The following CAPN8 variants were observed in gnomAD, a reference collection of about 807,000 sequenced individuals.
CAPN8 encodes calpain 8, also known as calpain-8.
Under a neutral mutation model 80.9 loss-of-function variants are expected in CAPN8, and 87 were observed. That is an observed-to-expected ratio of 1.07 (90% confidence interval 0.90 to 1.28). The LOEUF is 1.28. Among genes scored for constraint, CAPN8 ranks in the 50% most tolerant of loss-of-function variants. The pLI is 0.00. For synonymous variants in CAPN8, 299 were observed against 273.8 expected, an observed-to-expected ratio of 1.09 and a Z score of -0.91; for missense variants, 757 against 702.0, an observed-to-expected ratio of 1.08 and a Z score of -0.89.
At chr1:223,662,272 AC>A (rs755506838) in intron 1 of CAPN8, among the ~76,000 whole-genome samples, 2 of 152,058 alleles carry the variant, frequency 1.3e-5, no homozygotes, top group Non-Finnish European at 2.9e-5. Context: ...ACATGGCAAC[AC>A]CCGATCTCTA....
rs369121915 is a variant in CAPN8, at chr1:223,549,368, A to C, written c.1714T>G (p.Phe572Val). Reference sequence around the variant, plus strand: ...CAAGTGTTGATGTTGAATCCATCGAATTTTATGTCTGTTCCTAAAGATTTA... The same window carrying C: ...CAAGTGTTGATGTTGAATCCATCGACTTTTATGTCTGTTCCTAAAGATTTA... ...EAFSKRTDIK[F>V]DGFNINTCRE... Residue 572 changes from phenylalanine to valine, a missense_variant, in exon 16 of 21, where the codon TTC (phenylalanine) becomes GTC (valine). Transcript: ENST00000366872. The C allele has an allele frequency of 1.6e-5, 25 of 1,551,762 alleles. No individual in the cohort carries two copies. The highest frequency in any genetic ancestry group is 2.0e-5 in the Admixed American group (1 of 50,986).
At chr1:223,548,583 A>G (rs1172959040) in intron 16 of CAPN8, among the ~76,000 whole-genome samples, 2 of 152,206 alleles carry the variant, frequency 1.3e-5, no homozygotes, top group Non-Finnish European at 2.9e-5. Flanking sequence ...CACCCCATCT[A>G]CCATGTGAAG....
rs963157521 is a variant in CAPN8 at position 223,665,618 on chromosome 1, C to G, written c.29G>C (p.Arg10Thr). 4 of 1,551,474 alleles carry G rather than the reference C, an allele frequency of 2.6e-6. No individual in the cohort carries two copies. The highest frequency in any genetic ancestry group is 2.6e-6 in the Non-Finnish European group (3 of 1,147,000). The change falls in exon 1 of 21, where the codon AGG becomes ACG. Residue 10 changes from arginine (R) to threonine (T), a missense_variant. Arg to Thr is a moderately conservative substitution (Grantham distance 71, BLOSUM62 -1). Coordinates refer to ENST00000366872, the MANE Select transcript of CAPN8 (RefSeq NM_001143962.2). ...AAGACCTTGAGTGGCTGCCCGCTGC[C>G]TAGATACACCAGCTGCCTGGGCTGC... is the stretch of plus-strand genomic sequence containing the variant. Reference protein sequence around the residue: MAAQAAGVSRQRAATQGLGS... With the variant: MAAQAAGVSTQRAATQGLGS...
chr1:223,619,197 A>G (rs1351248590), intron 9 of CAPN8, 96 bp downstream of exon 9: 6 of 1,448,470 alleles, frequency 4.1e-6, no homozygotes, highest in Non-Finnish European at 4.6e-6. Context: ...CTGTCTCAAA[A>G]AAACACACAA....
rs543373046 is a variant in CAPN8 at position 223,641,742 on chromosome 1, C to T, written c.307+12588G>A. 2.6e-5 allele frequency among the ~76,000 whole-genome samples: 4 copies of T among 152,356 alleles called. No individual in the cohort carries two copies. In the South Asian group the frequency reaches 8.3e-4, roughly 32 times the overall value. On this transcript the variant is annotated intron_variant, in intron 2 of 20. Transcript: ENST00000366872. The stretch of plus-strand genomic sequence containing the variant: ...ACTTCCTAGCCAAAGGACCTTTATT[C>T]ATCTCCTTCCTGCAGCCTGGAACCC...
At chr1:223,544,332 C>T in intron 18 of CAPN8, 149 bp from the exon 19 acceptor site, 4 of 609,948 alleles carry the variant, frequency 6.6e-6, no homozygotes, top group Middle Eastern at 3.3e-4. Context: ...TCCAGGGGAT[C>T]CCAGAAGGTG....
intron 1 of CAPN8, among the ~76,000 whole-genome samples, chr1:223,664,322 ATGT>A (rs1258639880): frequency 6.6e-5 from 10 of 152,194 alleles, no homozygotes; most frequent in Non-Finnish European, 1.5e-4. Context: ...TTCAGCAATG[ATGT>A]TGTCACAATT....
chr1:223,554,814 A>C (rs1218207193), intron 13 of CAPN8, among the ~76,000 whole-genome samples: 1 of 152,202 alleles, frequency 6.6e-6, no homozygotes, highest in African/African-American at 2.4e-5. Flanking sequence ...CCATTTTAGG[A>C]ATCAAATGAG....
chr1:223,661,258 A>G (rs1658637792), intron 1 of CAPN8, among the ~76,000 whole-genome samples: 2 of 152,174 alleles, frequency 1.3e-5, no homozygotes, highest in South Asian at 4.1e-4. Flanking sequence ...GATGCTCACC[A>G]TCACTGATCT....
chr1:223,626,538 C>T (rs1181329998), intron 5 of CAPN8, among the ~76,000 whole-genome samples: 1 of 152,222 alleles, frequency 6.6e-6, no homozygotes, highest in Non-Finnish European at 1.5e-5. Context: ...ATCCACACAG[C>T]TCAGCCTCCT....
chr1:223,552,367 C>A (rs1572224352), intron 14 of CAPN8, among the ~76,000 whole-genome samples: 1 of 152,074 alleles, frequency 6.6e-6, no homozygotes, highest in Non-Finnish European at 1.5e-5. Context: ...AGTTCGAGAC[C>A]AGCCTGGCCA....
At chr1:223,618,129 T>A in intron 9 of CAPN8, 1 of 1,212,436 alleles carries the variant, frequency 8.2e-7, no homozygotes, top group Non-Finnish European at 1.2e-6. Context: ...AATCAACAGA[T>A]CAACAGCAAA....
intron 2 of CAPN8, among the ~76,000 whole-genome samples, chr1:223,633,689 A>G (rs765062455): frequency 2.6e-5 from 4 of 152,150 alleles, no homozygotes; most frequent in Non-Finnish European, 5.9e-5. Context: ...AATAAAATCC[A>G]CCAGGAGATA....
At chr1:223,635,234 C>T (rs1558350335) in intron 2 of CAPN8, among the ~76,000 whole-genome samples, 5 of 152,218 alleles carry the variant, frequency 3.3e-5, no homozygotes, top group African/African-American at 1.2e-4. Flanking sequence ...CTGTACATTA[C>T]CACGAAGCAG....
chr1:223,650,542 C>A (rs140306470), intron 2 of CAPN8, among the ~76,000 whole-genome samples: 23 of 152,286 alleles, frequency 1.5e-4, no homozygotes, highest in African/African-American at 5.3e-4. Context: ...AATCATTAGT[C>A]GTCCTGTTTC....
intron 16 of CAPN8, among the ~76,000 whole-genome samples, chr1:223,547,418 A>G (rs1194776812): frequency 6.6e-6 from 1 of 152,228 alleles, no homozygotes. Context: ...AAATTTGTAG[A>G]GACAGAAAGT....
In CAPN8 at chr1:223,618,026, T is replaced by C. The variant is rs1021820308; in HGVS notation, c.1135+1267A>G. On this transcript the variant is annotated intron_variant, in intron 9 of 20. Transcript: ENST00000366872. Reference sequence around the variant, plus strand: ...GCATCCAGGTGGGGTTTTATTCTAATGCTGCTTCCCTAGCACCGAGCACAG... The same window carrying C: ...GCATCCAGGTGGGGTTTTATTCTAACGCTGCTTCCCTAGCACCGAGCACAG... 1.5e-4 allele frequency: 80 copies of C among 538,064 alleles called. 2 individuals are homozygous for C. The South Asian group carries it at 2.2e-3, about 15-fold the overall frequency. The allele number at this position is 538,064 out of a possible 1,614,324, so 33.3% of individuals were successfully genotyped here. A position where few individuals can be genotyped will look rare whatever the true frequency, so the allele number is the denominator to read the frequency against.
Position 223,553,851 on chromosome 1 carries a change from A to G in CAPN8, c.1622T>C (p.Phe541Ser), listed in dbSNP as rs1338462954. 2.5e-6 allele frequency: 1 copy of G among 398,600 alleles called. No homozygotes were observed. Among genetic ancestry groups the G allele is most frequent in the Non-Finnish European group, 4.4e-6 (1 of 226,158 alleles). The allele number at this position is 398,600 out of a possible 1,614,324, so 24.7% of individuals were successfully genotyped here. Residue 541 changes from phenylalanine to serine, a missense_variant, in exon 14 of 21, where the codon TTT becomes TCT. Transcript: ENST00000366872. Reference sequence around the variant, plus strand: ...ACTCACCTTCCCTGCCAACTTCTCAAACAGCCTCCTGAACTGGTCATCTTC... The same window carrying G: ...ACTCACCTTCCCTGCCAACTTCTCAGACAGCCTCCTGAACTGGTCATCTTC... Reference protein sequence around the residue: ...DQEDDQFRRLFEKLAGKDSEI... With the variant: ...DQEDDQFRRLSEKLAGKDSEI...
chr1:223,543,248 C>G, intron 19 of CAPN8, 82 bp from the exon 20 acceptor site: 1 of 1,467,680 alleles, frequency 6.8e-7, no homozygotes, highest in Non-Finnish European at 9.3e-7. Flanking sequence ...TCTGTCTACC[C>G]CATCCCCACC....
Sources: allele counts gnomAD v4.1 joint callset (sites outside exome capture counted in the v4.1 genomes callset), GRCh38; gene constraint gnomAD v4.1.1; transcripts MANE v1.5; gene names NCBI Gene and HGNC (gene_info 2026-07-23, HGNC 2026-07-21).